PDE11A: variants seen among roughly 807,000 people sequenced by gnomAD.
The protein encoded by PDE11A is dual 3',5'-cyclic-AMP and -GMP phosphodiesterase 11A.
A neutral mutation model predicts 100.5 loss-of-function variants in PDE11A; 100 were observed. The observed-to-expected ratio is 1.00, with a 90% CI of 0.85 to 1.18. The LOEUF is 1.18. Ranked by LOEUF, PDE11A falls within the 50% of genes most tolerant of loss-of-function variation. The probability of loss-of-function intolerance (pLI) is 0.00; values close to 1 mark genes in which losing one functional copy is unlikely to be tolerated. For synonymous variants in PDE11A, 381 were observed against 420.8 expected, an observed-to-expected ratio of 0.91 and a Z score of 1.16; for missense variants, 1,141 against 1,152.6, an observed-to-expected ratio of 0.99 and a Z score of 0.15.
chr2:177,892,332 A>C (rs2084543111), intron 4 of PDE11A, among the ~76,000 whole-genome samples: 1 of 152,214 alleles, frequency 6.6e-6, no homozygotes. Flanking sequence ...TTGCTTCCAA[A>C]ACATTCATAG....
chr2:177,895,724 A>G (rs573863984), intron 4 of PDE11A, among the ~76,000 whole-genome samples: 2 of 152,274 alleles, frequency 1.3e-5, no homozygotes, highest in Non-Finnish European at 2.9e-5. Flanking sequence ...AGAAGAAAAA[A>G]GTAGAATGGT....
chr2:177,943,905 G>C (rs2085373717), intron 2 of PDE11A, among the ~76,000 whole-genome samples: 1 of 152,156 alleles, frequency 6.6e-6, no homozygotes, highest in South Asian at 2.1e-4. Context: ...TTTTGTGTAA[G>C]GTGTAAAATA....
intron 8 of PDE11A, 83 bp downstream of exon 8, chr2:177,817,775 A>T (rs1297668204): frequency 1.4e-6 from 1 of 730,896 alleles, no homozygotes; most frequent in Non-Finnish European, 2.5e-6. Context: ...ATTGACTAAT[A>T]ATTGTTTGTC....
chr2:177,900,029 T>C (rs1319196579), intron 3 of PDE11A, among the ~76,000 whole-genome samples: 3 of 152,074 alleles, frequency 2.0e-5, no homozygotes. Context: ...AGCTAAGAAA[T>C]TAGCTGCAAT....
intron 1 of PDE11A, among the ~76,000 whole-genome samples, chr2:178,022,026 A>G (rs920643511): frequency 6.6e-6 from 1 of 152,226 alleles, no homozygotes; most frequent in African/African-American, 2.4e-5. Flanking sequence ...GGGTCACTAG[A>G]GAGTTTTAAG....
intron 9 of PDE11A, among the ~76,000 whole-genome samples, chr2:177,800,677 G>C (rs2082779896): frequency 6.6e-6 from 1 of 152,132 alleles, no homozygotes; most frequent in Non-Finnish European, 1.5e-5. Context: ...TGGTGAACCA[G>C]ACCCATAGAC....
At chr2:178,014,787 G>T (rs1014463369) in intron 1 of PDE11A, among the ~76,000 whole-genome samples, 1 of 152,004 alleles carries the variant, frequency 6.6e-6, no homozygotes, top group East Asian at 1.9e-4. Context: ...GATATGAAAT[G>T]TCATATAAGA....
chr2:177,731,551 TC>T (rs1287445553), intron 10 of PDE11A, among the ~76,000 whole-genome samples: 1 of 152,150 alleles, frequency 6.6e-6, no homozygotes, highest in Admixed American at 6.6e-5. Context: ...ACGCCCACCC[TC>T]ACCCTCTGCA....
rs1177711036 is a variant in PDE11A at position 178,072,493 on chromosome 2, CG to C, written c.-57del. 2.5e-6 allele frequency: 4 copies of C among 1,605,978 alleles called. No homozygotes were observed. Among genetic ancestry groups the C allele is most frequent in the Admixed American group, 1.7e-5 (1 of 59,650 alleles). On this transcript the variant is annotated 5_prime_UTR_variant, in exon 1 of 20. Coordinates refer to ENST00000286063, the MANE Select transcript of PDE11A (RefSeq NM_016953.4). ...ACGTGAACCAAATGTTTTCCTGCCC[CG>C]AGGCCTCTAGCTGTTCCTGCACATG...
chr2:177,640,263 C>T (rs2080121882), intron 19 of PDE11A, among the ~76,000 whole-genome samples: 1 of 152,164 alleles, frequency 6.6e-6, no homozygotes, highest in South Asian at 2.1e-4. Context: ...CAGCGTATTC[C>T]TGTTATGAGG....
rs937217563 is a variant in PDE11A at position 177,858,450 on chromosome 2, C to T, written c.1367+17409G>A. The stretch of plus-strand genomic sequence containing the variant: ...AGTGGGTGAAGGATATGAACAGACA[C>T]TTCTCAAAGGAAGAAATTTATGCAG... On this transcript the variant is annotated intron_variant, in intron 5 of 19. Transcript: ENST00000286063. Among the ~76,000 whole-genome samples the T allele has an allele frequency of 1.9e-4, 28 of 151,206 alleles. 1 individual carries two copies. The highest frequency in any genetic ancestry group is 3.5e-3 in the Middle Eastern group (1 of 288).
intron 6 of PDE11A, among the ~76,000 whole-genome samples, chr2:177,831,948 C>T (rs964660339): frequency 2.0e-5 from 3 of 152,108 alleles, no homozygotes; most frequent in African/African-American, 7.2e-5. Flanking sequence ...TGGTGGGTTG[C>T]ATAGGCTTGG....
At chr2:177,660,885 C>T (rs1574017639) in intron 19 of PDE11A, among the ~76,000 whole-genome samples, 2 of 152,202 alleles carry the variant, frequency 1.3e-5, no homozygotes, top group Admixed American at 6.5e-5. Context: ...AAAAGCTGTA[C>T]CAAAACCATA....
chr2:177,894,555 A>G (rs1353337641), intron 4 of PDE11A, among the ~76,000 whole-genome samples: 3 of 152,188 alleles, frequency 2.0e-5, no homozygotes, highest in Non-Finnish European at 4.4e-5. Flanking sequence ...AATGGAAGGA[A>G]AGTCGAATAG....
intron 17 of PDE11A, among the ~76,000 whole-genome samples, chr2:177,672,755 G>A (rs76134428): frequency 0.11 from 17,115 of 152,126 alleles, 1,085 homozygotes; most frequent in East Asian, 0.27. Context: ...GAAAGGAAAT[G>A]GAAATAGTCG....
At chr2:178,073,508 G>A (rs1462000148), upstream of PDE11A, among the ~76,000 whole-genome samples, 2 of 152,124 alleles carry the variant, frequency 1.3e-5, no homozygotes, top group Non-Finnish European at 2.9e-5. Context: ...GACCAGCTAG[G>A]AGACAGTAAA....
chr2:177,837,094 C>T (rs567162057), intron 6 of PDE11A, among the ~76,000 whole-genome samples: 2 of 152,302 alleles, frequency 1.3e-5, no homozygotes, highest in African/African-American at 4.8e-5. Context: ...GACTTTTGGC[C>T]TCTCCCTCCG....
At position 177,636,077 on chromosome 2, in the gene PDE11A, G is replaced by T. The variant is rs60091860; in HGVS notation, c.2647-6515C>A. On this transcript the variant is annotated intron_variant, in intron 19 of 19. Coordinates refer to ENST00000286063, the MANE Select transcript of PDE11A (RefSeq NM_016953.4). ...AAAGGGAATGTGTATTTGCGTTTTGGTAGATATTACTGAATCAACAAATAT... is the reference window on the plus strand; with the variant it reads ...AAAGGGAATGTGTATTTGCGTTTTGTTAGATATTACTGAATCAACAAATAT... Among the ~76,000 whole-genome samples the T allele has an allele frequency of 3.4e-3, 510 of 152,034 alleles. 6 individuals are homozygous for T. The highest frequency in any genetic ancestry group is 0.012 in the African/African-American group (491 of 41,460).
chr2:177,939,529 G>GAGGAAGGAAGGAAGGAAGGAAGGA (rs72249265), intron 2 of PDE11A, among the ~76,000 whole-genome samples: 1 of 100,726 alleles, frequency 9.9e-6, no homozygotes, highest in Admixed American at 1.1e-4. Flanking sequence ...GGGAGGGAGG[G>GAGGAAGGAAGGAAGGAAGGAAGGA]AGGAAGGAAG....
Sources: gnomAD v4.1 joint callset for allele counts (sites outside exome capture counted in the v4.1 genomes callset) on GRCh38, gnomAD v4.1.1 for gene constraint, MANE v1.5 for transcripts, NCBI Gene and HGNC (gene_info 2026-07-23, HGNC 2026-07-21) for gene names.